Variants in LCP1 observed in about 807,000 individuals in gnomAD.
The protein encoded by LCP1 is plastin-2.
Under a neutral mutation model 72.0 loss-of-function variants are expected in LCP1, and 23 were observed. The ratio of observed to expected loss-of-function variants is 0.32; its 90% confidence interval spans 0.23 to 0.45. The LOEUF is 0.45. LCP1 is among the 20% of genes least tolerant of loss of function. LCP1 has a pLI of 1.00. For synonymous variants in LCP1, 245 were observed against 275.4 expected (o/e 0.89, Z 1.09); for missense variants, 571 against 748.3 (o/e 0.76, Z 2.76).
At chr13:46,177,917 ATTTGT>A (rs2045939393) in intron 1 of LCP1, among the ~76,000 whole-genome samples, 1 of 102,444 alleles carries the variant, frequency 9.8e-6, no homozygotes, top group Admixed American at 9.2e-5. Flanking sequence ...ACACAGAATA[ATTTGT>A]TTATAAAAGC....
At chr13:46,170,368 A>C (rs924082796) in intron 1 of LCP1, among the ~76,000 whole-genome samples, 2 of 152,228 alleles carry the variant, frequency 1.3e-5, no homozygotes, top group African/African-American at 4.8e-5. Flanking sequence ...TGCCAGCCGC[A>C]AAAGCGATTC....
At chr13:46,142,469 T>C (rs751032239) in intron 12 of LCP1, 44 bp from the exon 13 acceptor site, 1 of 1,585,470 alleles carries the variant, frequency 6.3e-7, no homozygotes, top group Non-Finnish European at 8.7e-7. Context: ...ATCATCTTGA[T>C]TATGATAAAT....
chr13:46,153,023 T>A, intron 6 of LCP1, 78 bp from the exon 7 acceptor site: 1 of 1,396,146 alleles, frequency 7.2e-7, no homozygotes, highest in Non-Finnish European at 9.7e-7. Flanking sequence ...ACAGTAACAA[T>A]GTTTTCCTTC....
rs58940176 is a variant in LCP1 at position 46,156,941 on chromosome 13, C to G, written c.359-371G>C. 1.2e-3 allele frequency among the ~76,000 whole-genome samples: 183 copies of G among 151,570 alleles called. 1 individual carries two copies. Among genetic ancestry groups the G allele is most frequent in the African/African-American group, 4.3e-3 (178 of 41,418 alleles). The stretch of plus-strand genomic sequence containing the variant: ...GTTCACGCCATTCTCCTGCCTCAGC[C>G]TCCCCCGTAGCTGGGACTACAGGCG... On this transcript the variant is annotated intron_variant, in intron 4 of 15. Transcript: ENST00000323076.
intron 1 of LCP1, among the ~76,000 whole-genome samples, chr13:46,173,335 T>C (rs1340048317): frequency 6.6e-6 from 1 of 152,234 alleles, no homozygotes; most frequent in Non-Finnish European, 1.5e-5. Context: ...ATCACACCGT[T>C]CATTTCATAG....
chr13:46,137,221 A>AC (rs1566434572), intron 13 of LCP1, among the ~76,000 whole-genome samples: 2 of 150,128 alleles, frequency 1.3e-5, no homozygotes, highest in Admixed American at 6.6e-5. Flanking sequence ...AAAAAAAAAA[A>AC]AAACACAAAG....
At position 46,159,620 on chromosome 13, in the gene LCP1, T is replaced by C. The variant is rs753351704; in HGVS notation, c.43A>G (p.Arg15Gly). 1.9e-6 allele frequency: 3 copies of C among 1,614,180 alleles called. No homozygotes were observed. Among genetic ancestry groups the C allele is most frequent in the Admixed American group, 1.7e-5 (1 of 60,022 alleles). Residue 15 changes from arginine to glycine, a missense_variant, in exon 2 of 16, where the codon AGA becomes GGA. Physicochemically the swap from Arg to Gly is moderately radical, Grantham distance 125. Transcript: ENST00000323076. ...TCACCAACTTTGGCAAAAGCTTCTC[T>C]GAGCTCCATCATTTCCTCATCGGAC... ...SVSDEEMMELREAFAKVDTDG... is the reference protein window; with the variant it reads ...SVSDEEMMELGEAFAKVDTDG...
chr13:46,161,387 G>A (rs934777577), intron 1 of LCP1, among the ~76,000 whole-genome samples: 1 of 151,942 alleles, frequency 6.6e-6, no homozygotes, highest in Non-Finnish European at 1.5e-5. Context: ...TTTTATTATT[G>A]TCTTACATAT....
At position 46,158,703 on chromosome 13, in the gene LCP1, A is replaced by G. The variant is rs770718701; in HGVS notation, c.229-52T>C. The G allele has an allele frequency of 6.8e-6, 11 of 1,611,684 alleles. No homozygotes were observed. The Admixed American group carries it at 1.7e-4, about 25-fold the overall frequency. On this transcript the variant is annotated intron_variant, in intron 3 of 15. Coordinates refer to ENST00000323076, the MANE Select transcript of LCP1 (RefSeq NM_002298.5). Reference sequence around the variant, plus strand: ...AACTCAAGCAGTGATCAAGAAAATCACAAAGGAAAGAATATGTAATGTCGA... The same window carrying G: ...AACTCAAGCAGTGATCAAGAAAATCGCAAAGGAAAGAATATGTAATGTCGA...
chr13:46,156,445 C>G lies in LCP1; in HGVS notation c.484G>C (p.Val162Leu). 6.2e-7 allele frequency: 1 copy of G among 1,613,650 alleles called. No homozygotes were observed. Among genetic ancestry groups the G allele is most frequent in the Middle Eastern group, 1.6e-4 (1 of 6,062 alleles). ...DLFNAVGDGIVLCKMINLSVP... is the reference protein window; with the variant it reads ...DLFNAVGDGILLCKMINLSVP... ...GAAAGAAGTATTATTTACCAAAGGA[C>G]AATGCCATCTCCAACAGCATTAAAG... is the stretch of plus-strand genomic sequence containing the variant. Residue 162 changes from valine (V) to leucine (L), a missense_variant, in exon 5 of 16, where the codon GTC becomes CTC. Transcript: ENST00000323076.
chr13:46,136,347 G>A (rs1174211630), intron 13 of LCP1, among the ~76,000 whole-genome samples: 2 of 152,178 alleles, frequency 1.3e-5, no homozygotes, highest in African/African-American at 2.4e-5. Flanking sequence ...CCCAGAACTT[G>A]TGATGGCATT....
At position 46,158,982 on chromosome 13, in the gene LCP1, A is replaced by G. The variant is rs749283521; in HGVS notation, c.72T>C (p.Asp24=). Reference sequence around the variant, plus strand: ...CATTGAAGCTGATGTATCCATTGCCATCAGTATCTGTAATGTACACAATAT... The same window carrying G: ...CATTGAAGCTGATGTATCCATTGCCGTCAGTATCTGTAATGTACACAATAT... ...LREAFAKVDT[D]GNGYISFNEL... is the part of the protein sequence containing the mutation. The change falls in exon 3 of 16, where the codon GAT becomes GAC. Residue 24 remains aspartate, a synonymous_variant. Coordinates refer to ENST00000323076, the MANE Select transcript of LCP1 (RefSeq NM_002298.5). 19 of 1,613,946 alleles carry G rather than the reference A, an allele frequency of 1.2e-5. No homozygotes were observed. In the Admixed American group the frequency reaches 2.0e-4, roughly 17 times the overall value.
At chr13:46,149,131 A>C (rs1390899668) in intron 8 of LCP1, among the ~76,000 whole-genome samples, 1 of 152,236 alleles carries the variant, frequency 6.6e-6, no homozygotes, top group African/African-American at 2.4e-5. Context: ...ATTTATTCTT[A>C]GTCAATGAAA....
chr13:46,159,200 G>A (rs892804515), intron 2 of LCP1: 2 of 563,844 alleles, frequency 3.5e-6, no homozygotes, highest in Non-Finnish European at 6.3e-6. Flanking sequence ...CAGTAAAAGA[G>A]TCATAATTTC....
intron 2 of LCP1, chr13:46,159,263 C>T (rs2045823069): frequency 5.8e-6 from 3 of 517,918 alleles, no homozygotes; most frequent in South Asian, 5.4e-5. Context: ...CTTAAGGAAA[C>T]CACAGGTTTA....
rs537693334 is a variant in LCP1, at chr13:46,155,258, T to C, written c.492-372A>G. Among the ~76,000 whole-genome samples the C allele has an allele frequency of 2.6e-5, 4 of 152,312 alleles. No individual in the cohort carries two copies. In the South Asian group the frequency reaches 8.3e-4, roughly 32 times the overall value. On this transcript the variant is annotated intron_variant, in intron 5 of 15. Transcript: ENST00000323076. The stretch of plus-strand genomic sequence containing the variant: ...ATTGTCCCCATTATATAAAAGACTG[T>C]CTACAAAATTCTGAGCTTATTATTG...
intron 11 of LCP1, 120 bp downstream of exon 11, chr13:46,144,321 TC>T: frequency 1.3e-6 from 1 of 757,178 alleles, no homozygotes; most frequent in South Asian, 1.8e-5. Flanking sequence ...TGGCACTTTT[TC>T]CCCTTCCAGC....
intron 15 of LCP1, among the ~76,000 whole-genome samples, chr13:46,128,467 G>T (rs7323698): frequency 6.6e-6 from 1 of 151,600 alleles, no homozygotes; most frequent in African/African-American, 2.4e-5. Context: ...GCGTGGTGGC[G>T]TGCGCCTGTA....
intron 13 of LCP1, among the ~76,000 whole-genome samples, chr13:46,140,929 C>T (rs946406328): frequency 1.3e-5 from 2 of 152,082 alleles, no homozygotes; most frequent in Non-Finnish European, 2.9e-5. Context: ...GAAAATAAAT[C>T]ACTAAAGCAT....
Sources: allele counts gnomAD v4.1 joint callset (sites outside exome capture counted in the v4.1 genomes callset), GRCh38; gene constraint gnomAD v4.1.1; transcripts MANE v1.5; gene names NCBI Gene and HGNC (gene_info 2026-07-23, HGNC 2026-07-21).